The following ZNF420 variants were observed in gnomAD, a reference collection of about 807,000 sequenced individuals.
ZNF420 encodes ATM and p53-associated KZNF protein.
ZNF420 carries 31 observed loss-of-function variants against 44.7 expected under a neutral mutation model. The ratio of observed to expected loss-of-function variants is 0.69; its 90% confidence interval spans 0.52 to 0.94. The LOEUF (loss-of-function observed/expected upper bound fraction) is 0.94, where lower values mean the gene tolerates loss of function less well. ZNF420 is among the 40% of genes least tolerant of loss of function. The pLI, the probability that ZNF420 is intolerant of heterozygous loss-of-function variation, is 0.00. For synonymous variants in ZNF420, 245 were observed against 267.4 expected, an observed-to-expected ratio of 0.92 and a Z score of 0.82; for missense variants, 681 against 827.9, an observed-to-expected ratio of 0.82 and a Z score of 2.18.
At chr19:37,040,238 A>G (rs1254313599) in intron 1 of ZNF420, among the ~76,000 whole-genome samples, 1 of 152,206 alleles carries the variant, frequency 6.6e-6, no homozygotes, top group East Asian at 1.9e-4. Context: ...CTATTATATC[A>G]TAGAGATGGC....
At chr19:37,066,356 T>C (rs1232574011) in intron 1 of ZNF420, among the ~76,000 whole-genome samples, 1 of 151,948 alleles carries the variant, frequency 6.6e-6, no homozygotes, top group East Asian at 1.9e-4. Flanking sequence ...GACAGGATAA[T>C]TGCTTTAACC....
At chr19:37,026,793 T>C (rs2253724) in intron 1 of ZNF420, among the ~76,000 whole-genome samples, 85,355 of 152,140 alleles carry the variant, frequency 0.56, 25,523 homozygotes, top group African/African-American at 0.76. Context: ...TAAGTGAATT[T>C]GGAGGAAATA....
At chr19:37,114,236 G>C (rs563459944) in intron 4 of ZNF420, among the ~76,000 whole-genome samples, 1 of 152,168 alleles carries the variant, frequency 6.6e-6, no homozygotes, top group Non-Finnish European at 1.5e-5. Flanking sequence ...ATAGTGGGCT[G>C]CTGAGGATAT....
intron 2 of ZNF420, among the ~76,000 whole-genome samples, chr19:37,085,934 G>GTTT (rs201972011): frequency 0.14 from 15,706 of 112,016 alleles, 909 homozygotes; most frequent in Middle Eastern, 0.18. Context: ...CCTGGCTGAT[G>GTTT]TTTTATTATT....
intron 1 of ZNF420, among the ~76,000 whole-genome samples, chr19:37,023,305 T>C (rs1037486535): frequency 5.3e-5 from 8 of 152,210 alleles, no homozygotes; most frequent in Admixed American, 3.3e-4. Flanking sequence ...TCAATTTTCC[T>C]CTATTACGAA....
chr19:37,061,451 A>G (rs1967878776), intron 1 of ZNF420, among the ~76,000 whole-genome samples: 2 of 152,354 alleles, frequency 1.3e-5, no homozygotes, highest in East Asian at 3.9e-4. Context: ...TGAAACCATT[A>G]TAGCCATTGC....
At chr19:37,059,389 C>A (rs373865681) in intron 1 of ZNF420, among the ~76,000 whole-genome samples, 8 of 152,358 alleles carry the variant, frequency 5.3e-5, no homozygotes, top group Admixed American at 2.0e-4. Context: ...GAGGCGCGAG[C>A]GGATTCTCAC....
chr19:37,065,082 G>A (rs1191656124), intron 1 of ZNF420, among the ~76,000 whole-genome samples: 5 of 152,200 alleles, frequency 3.3e-5, no homozygotes, highest in Admixed American at 2.6e-4. Context: ...TGATGGTTTA[G>A]CATTTGCTCT....
At chr19:37,039,834 T>G (rs2082009) in intron 1 of ZNF420, among the ~76,000 whole-genome samples, 85,349 of 151,800 alleles carry the variant, frequency 0.56, 25,523 homozygotes, top group African/African-American at 0.76. Flanking sequence ...CTGAGTTGCT[T>G]GTACCAGAGG....
At chr19:37,111,428 TTTC>T (rs1371632883) in intron 4 of ZNF420, 5 of 152,216 alleles carry the variant, frequency 3.3e-5, no homozygotes, top group Non-Finnish European at 7.3e-5. Flanking sequence ...TAATGTGCCT[TTTC>T]TTATTTCTAT....
chr19:37,082,845 G>A (rs1482337772), intron 2 of ZNF420, among the ~76,000 whole-genome samples: 1 of 152,138 alleles, frequency 6.6e-6, no homozygotes, highest in African/African-American at 2.4e-5. Flanking sequence ...CATGTTTAGG[G>A]ATTGCTTTTC....
intron 4 of ZNF420, among the ~76,000 whole-genome samples, chr19:37,109,099 A>C (rs943328360): frequency 1.3e-5 from 2 of 152,196 alleles, no homozygotes; most frequent in African/African-American, 4.8e-5. Flanking sequence ...TACAGTAAGT[A>C]AGTACTTCTA....
At chr19:37,053,598 G>T (rs1035462720) in intron 1 of ZNF420, among the ~76,000 whole-genome samples, 1 of 152,204 alleles carries the variant, frequency 6.6e-6, no homozygotes, top group Non-Finnish European at 1.5e-5. Context: ...CTCAGCTGCA[G>T]GTCTGTTGGA....
chr19:37,075,558 T>C (rs899555422), upstream of ZNF420, among the ~76,000 whole-genome samples: 13 of 152,030 alleles, frequency 8.6e-5, no homozygotes, highest in Non-Finnish European at 1.9e-4. Flanking sequence ...CTGGCTAAAA[T>C]GGTGAAACCC....
intron 1 of ZNF420, among the ~76,000 whole-genome samples, chr19:37,036,631 C>A (rs1171730775): frequency 6.6e-6 from 1 of 152,078 alleles, no homozygotes; most frequent in Admixed American, 6.6e-5. Context: ...TAAATAATAA[C>A]CCTTGGTTTT....
At chr19:37,120,228 A>G (rs1219932887) in intron 4 of ZNF420, among the ~76,000 whole-genome samples, 1 of 152,224 alleles carries the variant, frequency 6.6e-6, no homozygotes, top group African/African-American at 2.4e-5. Flanking sequence ...CCTCAATAAA[A>G]TACTGGCAAA....
intron 4 of ZNF420, among the ~76,000 whole-genome samples, chr19:37,105,582 T>G (rs1469593003): frequency 6.6e-6 from 1 of 152,236 alleles, no homozygotes; most frequent in Non-Finnish European, 1.5e-5. Context: ...TAAATTACCT[T>G]GGGCAGTATG....
At position 37,039,173 on chromosome 19, in the gene ZNF420, T is replaced by G. The variant is rs1333194954; in HGVS notation, c.-125+31091T>G. On this transcript the variant is annotated intron_variant, in intron 1 of 4. Transcript: ENST00000587029. ...ACTTCTTCCAAACTCCTATTAATGCTGCTACTTTTACCTCATCTCAAGAAT... is the reference window on the plus strand; with the variant it reads ...ACTTCTTCCAAACTCCTATTAATGCGGCTACTTTTACCTCATCTCAAGAAT... Among the ~76,000 whole-genome samples the G allele has an allele frequency of 3.9e-5, 6 of 152,238 alleles. No homozygotes were observed. In the East Asian group the frequency reaches 1.2e-3, roughly 29 times the overall value.
At chr19:37,094,501 A>G (rs1448292659) in intron 4 of ZNF420, among the ~76,000 whole-genome samples, 1 of 152,180 alleles carries the variant, frequency 6.6e-6, no homozygotes, top group Non-Finnish European at 1.5e-5. Flanking sequence ...AAAATTATAT[A>G]TTTAATGGAC....
Sources: allele counts gnomAD v4.1 joint callset (sites outside exome capture counted in the v4.1 genomes callset), GRCh38; gene constraint gnomAD v4.1.1; transcripts MANE v1.5; gene names NCBI Gene and HGNC (gene_info 2026-07-23, HGNC 2026-07-21).